WDR43: variants seen among roughly 807,000 people sequenced by gnomAD.
WDR43 encodes the protein WD repeat-containing protein 43.
Under a neutral mutation model 91.4 loss-of-function variants are expected in WDR43, and 13 were observed. That is an observed-to-expected ratio of 0.14 (90% CI 0.09 to 0.23). The LOEUF (loss-of-function observed/expected upper bound fraction) is 0.23. Among genes scored for constraint, WDR43 ranks in the 10% least tolerant of loss-of-function variants. The pLI is 1.00. For synonymous variants in WDR43, 331 were observed against 287.9 expected (o/e 1.15, Z -1.51); for missense variants, 780 against 809.4 (o/e 0.96, Z 0.44).
Position 28,922,797 on chromosome 2 carries a change from G to GTTTTTTTTTTTTTTTTT in WDR43, c.850-121_850-105dup, listed in dbSNP as rs70958224. 5.6e-5 allele frequency: 13 copies of GTTTTTTTTTTTTTTTTT among 233,874 alleles called. 2 individuals carry two copies. Among genetic ancestry groups the GTTTTTTTTTTTTTTTTT allele is most frequent in the Non-Finnish European group, 9.2e-5 (12 of 130,736 alleles). The allele number at this position is 233,874 out of a possible 1,614,324, so 14.5% of individuals were successfully genotyped here. The stretch of plus-strand genomic sequence containing the variant: ...TTATTTTTAAATGGATTCTTGCTGT[G>GTTTTTTTTTTTTTTTTT]TTTTTTTTTTTTTTTTTCTGGTTGT... On this transcript the variant is annotated intron_variant, in intron 6 of 17. Transcript: ENST00000407426.
In WDR43 at chr2:28,927,720, C is replaced by A; in HGVS notation, c.1305+20C>A. 1.9e-6 allele frequency: 3 copies of A among 1,610,810 alleles called. No individual in the cohort carries two copies. The highest frequency in any genetic ancestry group is 2.5e-6 in the Non-Finnish European group (3 of 1,177,704). ...AATGAGGTAATGCAACTGCTTTGAC[C>A]ATATATTTGAGTTTGTGATTTAAAA... On this transcript the variant is annotated intron_variant, in intron 10 of 17. Transcript: ENST00000407426.
intron 3 of WDR43, among the ~76,000 whole-genome samples, chr2:28,909,842 C>G (rs371886404): frequency 6.6e-6 from 1 of 152,230 alleles, no homozygotes; most frequent in Admixed American, 6.5e-5. Context: ...CCACTGCACT[C>G]TGCCTGGGCA....
Position 28,925,125 on chromosome 2 carries a change from G to T in WDR43, c.1058G>T (p.Ser353Ile), listed in dbSNP as rs1355318986. ...ATGTCATTGTTGCTTGTATATGGCA[G>T]TTGGTTTCAGCCTACTATTGAGCGA... ...DKMSLLLVYG[S>I]WFQPTIERVA... Residue 353 changes from serine (S) to isoleucine (I), a missense_variant, in exon 8 of 18, where the codon AGT (serine) becomes ATT (isoleucine). Physicochemically the swap from Ser to Ile is moderately radical, Grantham distance 142. Around this residue, in one of 4 missense-constraint regions of WDR43, gnomAD observed 426 missense variants for 467.8 expected, o/e 0.91. Coordinates refer to ENST00000407426, the MANE Select transcript of WDR43 (RefSeq NM_015131.3). 2 of 1,613,778 alleles carry T rather than the reference G, an allele frequency of 1.2e-6. No individual in the cohort carries two copies. Among genetic ancestry groups the T allele is most frequent in the Non-Finnish European group, 1.7e-6 (2 of 1,179,776 alleles).
intron 5 of WDR43, among the ~76,000 whole-genome samples, chr2:28,914,469 T>G (rs188499179): frequency 4.5e-4 from 69 of 152,326 alleles, no homozygotes; most frequent in African/African-American, 1.7e-3. Flanking sequence ...TAGAATATCT[T>G]TTAAAAAATT....
intron 11 of WDR43, among the ~76,000 whole-genome samples, chr2:28,935,089 A>T (rs951575716): frequency 2.0e-5 from 3 of 152,142 alleles, no homozygotes; most frequent in Admixed American, 2.0e-4. Flanking sequence ...GATTGGCATA[A>T]AATTTTACCA....
rs1327983062 is a variant in WDR43 at position 28,946,680 on chromosome 2, A to G, written c.1935A>G (p.Gly645=). 6.4e-7 allele frequency: 1 copy of G among 1,569,810 alleles called. No homozygotes were observed. ...AAGAGGAAGATGAGGATGCCGAAGG[A>G]AAAGATGAAGAAAATGGCGAGGACA... ...DVEEEDEDAE[G]KDEENGEDRD... is the part of the protein sequence containing the mutation. The change falls in exon 18 of 18, where the codon GGA becomes GGG. Residue 645 remains glycine (G), a synonymous_variant. Coordinates refer to ENST00000407426, the MANE Select transcript of WDR43 (RefSeq NM_015131.3).
At position 28,922,224 on chromosome 2, in the gene WDR43, A is replaced by G. The variant is rs12611952; in HGVS notation, c.850-695A>G. ...CAAAGTTAGTCTTAAAACACTTTAT[A>G]TATTTCATTTTCTCTCAATGTATTG... On this transcript the variant is annotated intron_variant, in intron 6 of 17. Transcript: ENST00000407426. 6.8e-3 allele frequency among the ~76,000 whole-genome samples: 1,040 copies of G among 152,342 alleles called. 64 individuals carry two copies. The East Asian group carries it at 0.15, about 21-fold the overall frequency.
At chr2:28,932,309 A>G (rs1375965809) in intron 11 of WDR43, among the ~76,000 whole-genome samples, 1 of 152,038 alleles carries the variant, frequency 6.6e-6, no homozygotes, top group Non-Finnish European at 1.5e-5. Flanking sequence ...GATTATGGTT[A>G]TGTGCCACCA....
chr2:28,907,494 G>A (rs1380948873), intron 3 of WDR43, among the ~76,000 whole-genome samples: 1 of 149,060 alleles, frequency 6.7e-6, no homozygotes, highest in Non-Finnish European at 1.5e-5. Flanking sequence ...TGCATGGCCT[G>A]TGGCCCCAGA....
At chr2:28,935,464 G>C (rs1443818722) in intron 11 of WDR43, 57 bp from the exon 12 acceptor site, 6 of 1,193,180 alleles carry the variant, frequency 5.0e-6, no homozygotes, top group East Asian at 2.5e-5. Flanking sequence ...TTTTTTTTCT[G>C]TGATGTCCTT....
At chr2:28,936,995 G>C in intron 13 of WDR43, 42 bp downstream of exon 13, 8 of 1,537,468 alleles carry the variant, frequency 5.2e-6, no homozygotes, top group Non-Finnish European at 7.0e-6. Context: ...TTGTCTGACA[G>C]CATGAAATTA....
intron 3 of WDR43, among the ~76,000 whole-genome samples, chr2:28,908,422 A>G (rs940543505): frequency 6.6e-6 from 1 of 152,178 alleles, no homozygotes; most frequent in African/African-American, 2.4e-5. Context: ...AGTAGTTTCT[A>G]TGTTAGTAAC....
chr2:28,912,404 T>C (rs1038347457), intron 3 of WDR43, among the ~76,000 whole-genome samples, 186 bp from the exon 4 acceptor site: 1 of 152,236 alleles, frequency 6.6e-6, no homozygotes, highest in Non-Finnish European at 1.5e-5. Context: ...ATGCAATCAA[T>C]GAAGCTTTTA....
chr2:28,894,731 C>G lies in WDR43; in HGVS notation c.33C>G (p.Pro11=), dbSNP rs768136001. The G allele has an allele frequency of 6.3e-6, 10 of 1,580,972 alleles. No individual in the cohort carries two copies. The African/African-American group carries it at 9.4e-5, about 15-fold the overall frequency. Residue 11 remains proline (P), a synonymous_variant, in exon 1 of 18, where the codon CCC becomes CCG. Transcript: ENST00000407426. The part of the protein sequence containing the change: MAAGGGGSCD[P]LAPAGVPCAF... Reference sequence around the variant, plus strand: ...CGGGCGGCGGCGGTAGCTGCGACCCCCTGGCCCCTGCTGGGGTCCCTTGCG... The same window carrying G: ...CGGGCGGCGGCGGTAGCTGCGACCCGCTGGCCCCTGCTGGGGTCCCTTGCG...
At chr2:28,933,955 A>G (rs895277599) in intron 11 of WDR43, among the ~76,000 whole-genome samples, 3 of 152,224 alleles carry the variant, frequency 2.0e-5, no homozygotes, top group African/African-American at 7.2e-5. Flanking sequence ...ATGTATCCAC[A>G]TATGATGGAG....
At chr2:28,931,103 T>G (rs1398683469) in intron 11 of WDR43, among the ~76,000 whole-genome samples, 1 of 147,290 alleles carries the variant, frequency 6.8e-6, no homozygotes, top group Non-Finnish European at 1.5e-5. Context: ...GGAGATAGAG[T>G]CTTGCTTTGT....
At chr2:28,897,268 A>G (rs1002425049) in intron 1 of WDR43, among the ~76,000 whole-genome samples, 10 of 152,194 alleles carry the variant, frequency 6.6e-5, no homozygotes, top group Non-Finnish European at 1.5e-4. Context: ...AAAAAGTCAT[A>G]TGTACTGTAA....
At chr2:28,942,956 A>G (rs1671476680) in intron 16 of WDR43, among the ~76,000 whole-genome samples, 1 of 151,944 alleles carries the variant, frequency 6.6e-6, no homozygotes, top group East Asian at 1.9e-4. Context: ...TAGTGTAAAT[A>G]CATTTAAAAG....
intron 16 of WDR43, among the ~76,000 whole-genome samples, chr2:28,944,007 A>G (rs937571801): frequency 2.6e-5 from 4 of 152,198 alleles, no homozygotes; most frequent in Non-Finnish European, 4.4e-5. Flanking sequence ...CCAGTGACCA[A>G]TACTTCTCCA....
Sources: allele counts gnomAD v4.1 joint callset (sites outside exome capture counted in the v4.1 genomes callset), GRCh38; gene constraint gnomAD v4.1.1; regional missense constraint gnomAD v4.1.1; transcripts MANE v1.5; gene names NCBI Gene and HGNC (gene_info 2026-07-23, HGNC 2026-07-21).